Variants in ORC2 observed in about 807,000 individuals in gnomAD.
The protein encoded by ORC2 is origin recognition complex protein 2 homolog.
A neutral mutation model predicts 77.7 loss-of-function variants in ORC2; 37 were observed. The ratio of observed to expected loss-of-function variants is 0.48; its 90% CI spans 0.37 to 0.63. The LOEUF (loss-of-function observed/expected upper bound fraction) is 0.63, where lower values mean the gene tolerates loss of function less well. Among genes scored for constraint, ORC2 ranks in the 20% least tolerant of loss-of-function variants. ORC2 has a pLI of 0.00. For missense variants in ORC2, 557 were observed against 661.9 expected, an observed-to-expected ratio of 0.84 and a Z score of 1.74; for synonymous variants, 201 against 229.5, an observed-to-expected ratio of 0.88 and a Z score of 1.12.
chr2:200,960,896 C>T (rs1446516642), intron 1 of ORC2, among the ~76,000 whole-genome samples: 1 of 151,980 alleles, frequency 6.6e-6, no homozygotes, highest in Non-Finnish European at 1.5e-5. Flanking sequence ...CCTGCCTCAG[C>T]CTCCCGAGTA....
intron 4 of ORC2, among the ~76,000 whole-genome samples, chr2:200,956,617 A>G (rs2041469541): frequency 6.6e-6 from 1 of 152,092 alleles, no homozygotes; most frequent in South Asian, 2.1e-4. Context: ...GGCGTGAGCC[A>G]CCATGTCTGG....
chr2:200,935,598 A>G, intron 9 of ORC2, 101 bp downstream of exon 9: 1 of 842,162 alleles, frequency 1.2e-6, no homozygotes, highest in South Asian at 2.0e-5. Context: ...AGAAAAGTGA[A>G]GAAAAAATAT....
At chr2:200,915,175 A>ATAG (rs151178411) in intron 15 of ORC2, among the ~76,000 whole-genome samples, 4,309 of 151,788 alleles carry the variant, frequency 0.028, 208 homozygotes, top group African/African-American at 0.099. Flanking sequence ...CCACCACCCC[A>ATAG]GCTAATTTTG....
intron 4 of ORC2, among the ~76,000 whole-genome samples, chr2:200,951,613 G>C (rs1005245156): frequency 2.6e-5 from 4 of 152,092 alleles, no homozygotes; most frequent in African/African-American, 7.2e-5. Context: ...CTAATGATAT[G>C]ATATTGAGCA....
At chr2:200,956,264 C>G (rs1056109782) in intron 4 of ORC2, among the ~76,000 whole-genome samples, 1 of 151,816 alleles carries the variant, frequency 6.6e-6, no homozygotes, top group Admixed American at 6.6e-5. Flanking sequence ...GGGTCTCACT[C>G]TGTTGCCCAG....
intron 1 of ORC2, among the ~76,000 whole-genome samples, chr2:200,961,317 G>A (rs963510678): frequency 2.0e-5 from 3 of 151,852 alleles, no homozygotes; most frequent in Admixed American, 2.0e-4. Flanking sequence ...GCAATGCCAA[G>A]CCTTGCTAAT....
At chr2:200,960,968 G>T (rs1364931920) in intron 1 of ORC2, among the ~76,000 whole-genome samples, 1 of 151,878 alleles carries the variant, frequency 6.6e-6, no homozygotes, top group Non-Finnish European at 1.5e-5. Context: ...GTAGAGATGG[G>T]GTTTCACCAT....
chr2:200,920,188 GT>G (rs1204433308), intron 15 of ORC2, 33 bp downstream of exon 15: 4 of 1,558,884 alleles, frequency 2.6e-6, no homozygotes, highest in Non-Finnish European at 3.5e-6. Context: ...AAAATGTATA[GT>G]TTTTAAAAAA....
At chr2:200,951,744 G>A (rs1188791577) in intron 4 of ORC2, among the ~76,000 whole-genome samples, 1 of 152,032 alleles carries the variant, frequency 6.6e-6, no homozygotes, top group Non-Finnish European at 1.5e-5. Context: ...TAATTAAATT[G>A]TTTTCTTATT....
At chr2:200,950,625 A>G (rs2041335968) in intron 4 of ORC2, among the ~76,000 whole-genome samples, 1 of 152,240 alleles carries the variant, frequency 6.6e-6, no homozygotes, top group Non-Finnish European at 1.5e-5. Context: ...GAATGCGTGA[A>G]GAAGAAAATC....
At chr2:200,961,639 C>T (rs16836322) in intron 1 of ORC2, among the ~76,000 whole-genome samples, 2 of 152,116 alleles carry the variant, frequency 1.3e-5, no homozygotes, top group Admixed American at 1.3e-4. Flanking sequence ...AAGAGCATGG[C>T]CAGAGTCAGC....
chr2:200,963,227 T>C, intron 1 of ORC2: 1 of 388,112 alleles, frequency 2.6e-6, no homozygotes, highest in Non-Finnish European at 4.6e-6. Flanking sequence ...ACCTCAAGTC[T>C]TAAAGGACTT....
intron 5 of ORC2, among the ~76,000 whole-genome samples, chr2:200,944,408 C>T (rs1229906045): frequency 1.3e-5 from 2 of 152,108 alleles, no homozygotes; most frequent in Admixed American, 6.5e-5. Flanking sequence ...CTCCTGACCT[C>T]GTGATCTGCC....
rs558395308 is a variant in ORC2 at position 200,940,484 on chromosome 2, C to A, written c.453+764G>T. ...ATGGAACACTCACCACTTGAAAAGG[C>A]ATAATGAGAAAATTATACCACAAAA... On this transcript the variant is annotated intron_variant, in intron 7 of 17. Transcript: ENST00000234296. Among the ~76,000 whole-genome samples, 100 of 152,196 alleles carry A rather than the reference C, an allele frequency of 6.6e-4. 1 individual carries two copies. The South Asian group carries it at 0.021, about 32-fold the overall frequency.
intron 3 of ORC2, among the ~76,000 whole-genome samples, 171 bp from the exon 4 acceptor site, chr2:200,957,715 T>TA (rs908682314): frequency 1.1e-3 from 163 of 145,808 alleles, no homozygotes; most frequent in South Asian, 1.7e-3. Context: ...TTTATATAGT[T>TA]AAAAAAAAAA....
At chr2:200,955,871 A>C (rs2041456456) in intron 4 of ORC2, among the ~76,000 whole-genome samples, 1 of 152,184 alleles carries the variant, frequency 6.6e-6, no homozygotes, top group African/African-American at 2.4e-5. Context: ...TCGAACCTAA[A>C]AAAATGTTTT....
intron 1 of ORC2, among the ~76,000 whole-genome samples, chr2:200,962,591 TTTTAC>T (rs1214103425): frequency 1.3e-5 from 2 of 152,160 alleles, no homozygotes; most frequent in Non-Finnish European, 1.5e-5. Context: ...TTATCGGTAT[TTTTAC>T]TTTAACCTTT....
chr2:200,915,629 T>C (rs989338505), intron 15 of ORC2, among the ~76,000 whole-genome samples: 4 of 152,204 alleles, frequency 2.6e-5, no homozygotes, highest in Admixed American at 2.0e-4. Context: ...TCAAAACTTA[T>C]ATGAATTTTC....
chr2:200,949,778 T>C, intron 4 of ORC2, 135 bp from the exon 5 acceptor site: 1 of 463,860 alleles, frequency 2.2e-6, no homozygotes, highest in Non-Finnish European at 3.8e-6. Context: ...ATATAAAATA[T>C]TTGGAAATAC....
Sources: gnomAD v4.1 joint callset for allele counts (sites outside exome capture counted in the v4.1 genomes callset) on GRCh38, gnomAD v4.1.1 for gene constraint, MANE v1.5 for transcripts, NCBI Gene and HGNC (gene_info 2026-07-23, HGNC 2026-07-21) for gene names.